ZNF33B: variants seen among roughly 807,000 people sequenced by gnomAD.
ZNF33B encodes zinc finger protein 33B.
Under a neutral mutation model 45.8 loss-of-function variants are expected in ZNF33B, and 29 were observed. That is an observed-to-expected ratio of 0.63 (90% CI 0.47 to 0.86). The LOEUF is 0.86. Ranked by LOEUF, ZNF33B falls within the 40% of genes least tolerant of loss-of-function variation. The probability of loss-of-function intolerance (pLI) is 0.00; values close to 1 mark genes in which losing one functional copy is unlikely to be tolerated. For missense variants in ZNF33B, 831 were observed against 909.9 expected, an observed-to-expected ratio of 0.91 and a Z score of 1.12; for synonymous variants, 305 against 307.8, an observed-to-expected ratio of 0.99 and a Z score of 0.10.
chr10:42,631,554 C>T (rs959166217), intron 4 of ZNF33B, among the ~76,000 whole-genome samples: 1 of 152,108 alleles, frequency 6.6e-6, no homozygotes, highest in African/African-American at 2.4e-5. Flanking sequence ...AAATTATTTG[C>T]TGAGTTTAAA....
chr10:42,606,357 C>T (rs1353680645), intron 4 of ZNF33B, among the ~76,000 whole-genome samples: 5 of 151,734 alleles, frequency 3.3e-5, no homozygotes, highest in Admixed American at 1.3e-4. Context: ...CCTAGCAACT[C>T]GGGAGGCTGA....
intron 4 of ZNF33B, among the ~76,000 whole-genome samples, chr10:42,628,190 A>G (rs538641094): frequency 1.3e-5 from 2 of 152,280 alleles, no homozygotes; most frequent in South Asian, 2.1e-4. Context: ...TAATTTTTGT[A>G]TTTTTAGTAG....
chr10:42,636,085 T>C (rs946014628), intron 2 of ZNF33B, among the ~76,000 whole-genome samples: 13 of 151,856 alleles, frequency 8.6e-5, no homozygotes, highest in African/African-American at 2.7e-4. Flanking sequence ...GCCAAGATCG[T>C]GCCACTGTAC....
At chr10:42,586,267 C>T (rs1223019367), downstream of ZNF33B, among the ~76,000 whole-genome samples, 1 of 150,250 alleles carries the variant, frequency 6.7e-6, no homozygotes, top group East Asian at 2.0e-4. Context: ...CATTCTCCTG[C>T]CTCAGCCTCC....
intron 1 of ZNF33B, among the ~76,000 whole-genome samples, chr10:42,576,236 G>A (rs924410997): frequency 1.3e-5 from 2 of 152,202 alleles, no homozygotes; most frequent in African/African-American, 2.4e-5. Context: ...CGATCTGCCC[G>A]CCTCAGCCTC....
At chr10:42,581,302 A>C (rs1836819382) in intron 1 of ZNF33B, among the ~76,000 whole-genome samples, 3 of 151,882 alleles carry the variant, frequency 2.0e-5, no homozygotes, top group Admixed American at 1.3e-4. Context: ...CCTCGTTACT[A>C]AAAATACAAA....
In ZNF33B at chr10:42,613,365, TG is replaced by T. The variant is rs369119669; in HGVS notation, c.250+18563del. Among the ~76,000 whole-genome samples the T allele has an allele frequency of 2.3e-4, 35 of 152,102 alleles. 1 individual carries two copies. Among genetic ancestry groups the T allele is most frequent in the African/African-American group, 8.4e-4 (35 of 41,502 alleles). On this transcript the variant is annotated intron_variant, in intron 4 of 4. Coordinates refer to ENST00000359467, the MANE Select transcript of ZNF33B (RefSeq NM_006955.3). ...GAGTTCGTGACCAGCCTGTACAACA[TG>T]GCAAAATCCCATCTCTACTAAAAAC...
At chr10:42,575,821 CA>C (rs894259307) in intron 1 of ZNF33B, among the ~76,000 whole-genome samples, 4 of 151,078 alleles carry the variant, frequency 2.6e-5, no homozygotes, top group African/African-American at 9.7e-5. Flanking sequence ...ACATCTGCTT[CA>C]GGGCTCAAGC....
At position 42,638,465 on chromosome 10, in the gene ZNF33B, G is replaced by A. The variant is rs1477167279; in HGVS notation, c.-45+9C>T. 5.0e-6 allele frequency: 2 copies of A among 401,818 alleles called. No individual in the cohort carries two copies. Among genetic ancestry groups the A allele is most frequent in the South Asian group, 1.9e-5 (1 of 53,874 alleles). 24.9% of individuals were successfully genotyped at this position (401,818 alleles called of 1,614,324 possible). Reference sequence around the variant, plus strand: ...CCTCTCCGTCCCTGCCCAACCCGCGGAGGCTTACCTCACTCTCTCTTCGGG... The same window carrying A: ...CCTCTCCGTCCCTGCCCAACCCGCGAAGGCTTACCTCACTCTCTCTTCGGG... On this transcript the variant is annotated intron_variant, in intron 1 of 4. Coordinates refer to ENST00000359467, the MANE Select transcript of ZNF33B (RefSeq NM_006955.3).
At chr10:42,638,262 C>T (rs773076048) in intron 1 of ZNF33B, among the ~76,000 whole-genome samples, 2 of 152,268 alleles carry the variant, frequency 1.3e-5, no homozygotes, top group Non-Finnish European at 2.9e-5. Context: ...ACAAACAGGG[C>T]AACGCACAGG....
At chr10:42,589,098 G>T, downstream of ZNF33B, 1 of 375,228 alleles carries the variant, frequency 2.7e-6, no homozygotes, top group Non-Finnish European at 3.7e-6. Context: ...GAAACAAGAT[G>T]TTCCTCAGGG....
At chr10:42,626,418 A>C (rs1273878499) in intron 4 of ZNF33B, among the ~76,000 whole-genome samples, 2 of 152,130 alleles carry the variant, frequency 1.3e-5, no homozygotes, top group South Asian at 2.1e-4. Flanking sequence ...GGCCAGGCGC[A>C]GTGGCTCATG....
chr10:42,617,323 C>G (rs1186854462), intron 4 of ZNF33B, among the ~76,000 whole-genome samples: 1 of 151,574 alleles, frequency 6.6e-6, no homozygotes, highest in African/African-American at 2.4e-5. Flanking sequence ...AGGTTGGTCT[C>G]AAACTCCTGA....
rs1837130806 is a variant in ZNF33B, at chr10:42,591,740, CAT to C, written c.*871_*872del. The C allele has an allele frequency of 4.5e-6, 1 of 223,048 alleles. No homozygotes were observed. Among genetic ancestry groups the C allele is most frequent in the Non-Finnish European group, 7.5e-6 (1 of 133,136 alleles). The allele number at this position is 223,048 out of a possible 1,614,324, so 13.8% of individuals were successfully genotyped here. A position where few individuals can be genotyped will look rare whatever the true frequency, so the allele number is the denominator to read the frequency against. On this transcript the variant is annotated 3_prime_UTR_variant, in exon 5 of 5. Coordinates refer to ENST00000359467, the MANE Select transcript of ZNF33B (RefSeq NM_006955.3). Reference sequence around the variant, plus strand: ...TTTATCTATGCTTTACAAAAAGCTTCATAGTCAAGTGGATGCCAGGGACAGGG... The same window carrying C: ...TTTATCTATGCTTTACAAAAAGCTTCAGTCAAGTGGATGCCAGGGACAGGG...
chr10:42,620,726 C>T (rs2132125366), intron 4 of ZNF33B, among the ~76,000 whole-genome samples: 1 of 152,086 alleles, frequency 6.6e-6, no homozygotes, highest in South Asian at 2.1e-4. Flanking sequence ...GATCAAACTA[C>T]ACATTGTCTA....
intron 4 of ZNF33B, among the ~76,000 whole-genome samples, chr10:42,619,354 C>T (rs1377861606): frequency 1.3e-5 from 2 of 152,052 alleles, no homozygotes; most frequent in Admixed American, 1.3e-4. Context: ...TATATAAATT[C>T]CTGAAAGAAA....
chr10:42,582,923 AG>A (rs1781550813), intron 1 of ZNF33B: 2 of 507,580 alleles, frequency 3.9e-6, no homozygotes, highest in Non-Finnish European at 7.2e-6. Flanking sequence ...AATTTGTTGC[AG>A]AGAATGCTGA....
rs1341431486 is a variant in ZNF33B at position 42,591,415 on chromosome 10, T to C, written c.*1198A>G. 3 of 306,166 alleles carry C rather than the reference T, an allele frequency of 9.8e-6. No individual in the cohort carries two copies. The allele number at this position is 306,166 out of a possible 1,614,324, so 19.0% of individuals were successfully genotyped here. On this transcript the variant is annotated 3_prime_UTR_variant, in exon 5 of 5. Coordinates refer to ENST00000359467, the MANE Select transcript of ZNF33B (RefSeq NM_006955.3). ...GGAGGCAGGCCTAGATCTTCACACG[T>C]ACAGGATAGATTTTTTTTCAGATAA...
intron 4 of ZNF33B, among the ~76,000 whole-genome samples, chr10:42,611,777 T>C (rs1838105988): frequency 6.6e-6 from 1 of 152,166 alleles, no homozygotes; most frequent in South Asian, 2.1e-4. Flanking sequence ...AACTACATAA[T>C]GAAAAAAGGA....
Sources: allele counts gnomAD v4.1 joint callset (sites outside exome capture counted in the v4.1 genomes callset), GRCh38; gene constraint gnomAD v4.1.1; transcripts MANE v1.5; gene names NCBI Gene and HGNC (gene_info 2026-07-23, HGNC 2026-07-21).